The following PRTG variants were observed in gnomAD, a reference collection of about 807,000 sequenced individuals.
PRTG encodes immunoglobulin superfamily, DCC subclass, member 5.
PRTG carries 67 observed loss-of-function variants against 122.5 expected under a neutral mutation model. The ratio of observed to expected loss-of-function variants is 0.55; its 90% CI spans 0.45 to 0.67. The LOEUF (loss-of-function observed/expected upper bound fraction) is 0.67, where lower values mean the gene tolerates loss of function less well. Ranked by LOEUF, PRTG falls within the 30% of genes least tolerant of loss-of-function variation. The pLI is 0.00. For synonymous variants in PRTG, 554 were observed against 501.1 expected, an observed-to-expected ratio of 1.11 and a Z score of -1.41; for missense variants, 1,435 against 1,415.4, an observed-to-expected ratio of 1.01 and a Z score of -0.22.
At chr15:55,709,760 G>A (rs1331768618) in intron 2 of PRTG, among the ~76,000 whole-genome samples, 4 of 152,264 alleles carry the variant, frequency 2.6e-5, no homozygotes, top group South Asian at 2.1e-4. Context: ...GAGAGAATCT[G>A]TACAAACAAA....
chr15:55,728,814 T>C (rs2031131506), intron 2 of PRTG, among the ~76,000 whole-genome samples: 1 of 152,178 alleles, frequency 6.6e-6, no homozygotes, highest in Non-Finnish European at 1.5e-5. Context: ...GCTGTATCAC[T>C]CATAGATTAT....
At chr15:55,687,760 T>C (rs1448203306) in intron 2 of PRTG, among the ~76,000 whole-genome samples, 1 of 152,196 alleles carries the variant, frequency 6.6e-6, no homozygotes, top group Non-Finnish European at 1.5e-5. Context: ...TTAAAATATC[T>C]AACTTTTTGA....
Position 55,647,230 on chromosome 15 carries a change from G to C in PRTG, c.2042-6022C>G, listed in dbSNP as rs146834298. ...AGGAGGCAGCTGTTGCATGAGCCGA[G>C]ATCACGCCATTGCACTCCAGTCTGG... On this transcript the variant is annotated intron_variant, in intron 11 of 19. Coordinates refer to ENST00000389286, the MANE Select transcript of PRTG (RefSeq NM_173814.6). Among the ~76,000 whole-genome samples, 790 of 152,194 alleles carry C rather than the reference G, an allele frequency of 5.2e-3. 1 individual carries two copies. Among genetic ancestry groups the C allele is most frequent in the Non-Finnish European group, 9.1e-3 (620 of 68,018 alleles).
chr15:55,621,921 G>A (rs1314927452), intron 18 of PRTG, among the ~76,000 whole-genome samples: 2 of 152,066 alleles, frequency 1.3e-5, no homozygotes, highest in Admixed American at 6.5e-5. Flanking sequence ...CAACTTTTCT[G>A]TATGTTTGAA....
At position 55,629,375 on chromosome 15, in the gene PRTG, A is replaced by ATGTGTGTG. The variant is rs59080250; in HGVS notation, c.2624-379_2624-372dup. On this transcript the variant is annotated intron_variant, in intron 15 of 19. Transcript: ENST00000389286. ...TTTGGCTTTGTATATATATATATATATGTGTGTGTGTGTGTGTGTGTGTGT... is the reference window on the plus strand; with the variant it reads ...TTTGGCTTTGTATATATATATATATATGTGTGTGTGTGTGTGTGTGTGTGTGTGTGTGT... Among the ~76,000 whole-genome samples the ATGTGTGTG allele has an allele frequency of 9.1e-3, 433 of 47,788 alleles. 4 individuals are homozygous for ATGTGTGTG. The highest frequency in any genetic ancestry group is 0.018 in the Admixed American group (83 of 4,562). 31.4% of individuals were successfully genotyped at this position (47,788 alleles called of 152,430 possible).
At chr15:55,646,018 AT>A in intron 11 of PRTG, among the ~76,000 whole-genome samples, 1 of 151,790 alleles carries the variant, frequency 6.6e-6, no homozygotes, top group Admixed American at 6.6e-5. Flanking sequence ...ATTATTTTTT[AT>A]TTTTTTGAGA....
chr15:55,690,058 A>G (rs2059592282), intron 2 of PRTG, among the ~76,000 whole-genome samples: 1 of 152,246 alleles, frequency 6.6e-6, no homozygotes, highest in South Asian at 2.1e-4. Flanking sequence ...TATTAAAGAT[A>G]TACAGTATAA....
At chr15:55,636,898 C>T (rs928490127) in intron 15 of PRTG, among the ~76,000 whole-genome samples, 6 of 152,178 alleles carry the variant, frequency 3.9e-5, no homozygotes, top group Admixed American at 6.6e-5. Context: ...CTATCCGCCT[C>T]GGCCTCACAA....
intron 11 of PRTG, among the ~76,000 whole-genome samples, chr15:55,644,364 T>C (rs190412022): frequency 6.6e-6 from 1 of 152,186 alleles, no homozygotes; most frequent in South Asian, 2.1e-4. Flanking sequence ...GGTGGAGAGA[T>C]AATCTTTTTT....
At chr15:55,704,072 G>T (rs534425870) in intron 2 of PRTG, among the ~76,000 whole-genome samples, 1 of 152,160 alleles carries the variant, frequency 6.6e-6, no homozygotes, top group Non-Finnish European at 1.5e-5. Flanking sequence ...TGGCTCCTAT[G>T]AATTCAAGGG....
intron 2 of PRTG, among the ~76,000 whole-genome samples, chr15:55,695,233 T>G (rs866709739): frequency 2.3e-4 from 35 of 152,336 alleles, no homozygotes; most frequent in African/African-American, 7.9e-4. Flanking sequence ...ACTACTAATT[T>G]AATAAATATT....
Position 55,743,108 on chromosome 15 carries a change from G to T in PRTG, c.-177C>A. On this transcript the variant is annotated 5_prime_UTR_variant, in exon 1 of 20. Coordinates refer to ENST00000389286, the MANE Select transcript of PRTG (RefSeq NM_173814.6). ...CGGCGAGGCTGGTGCTCGGACGGCC[G>T]CTCGCGAGAAGCAAGGGGCCTGAGA... 7.8e-7 allele frequency: 1 copy of T among 1,277,644 alleles called. No individual in the cohort carries two copies. Among genetic ancestry groups the T allele is most frequent in the Non-Finnish European group, 9.8e-7 (1 of 1,016,720 alleles). 79.1% of individuals were successfully genotyped at this position (1,277,644 alleles called of 1,614,324 possible).
At chr15:55,620,345 G>A in intron 19 of PRTG, 79 bp from the exon 20 acceptor site, 4 of 1,561,692 alleles carry the variant, frequency 2.6e-6, no homozygotes, top group Admixed American at 1.9e-5. Context: ...GGTCCCCACA[G>A]ACAGGTGGGA....
At chr15:55,658,189 C>A (rs772743095) in intron 11 of PRTG, among the ~76,000 whole-genome samples, 3 of 152,188 alleles carry the variant, frequency 2.0e-5, no homozygotes, top group Non-Finnish European at 4.4e-5. Flanking sequence ...ATGAATGTAC[C>A]ATAGCTTGTT....
intron 2 of PRTG, among the ~76,000 whole-genome samples, chr15:55,727,593 C>T (rs1291411829): frequency 2.6e-5 from 4 of 152,058 alleles, no homozygotes; most frequent in East Asian, 1.9e-4. Flanking sequence ...GTGAGGAATT[C>T]GAGACCAGCC....
rs372057542 is a variant in PRTG, at chr15:55,713,793, G to T, written c.397+26589C>A. 8.6e-5 allele frequency among the ~76,000 whole-genome samples: 13 copies of T among 151,910 alleles called. No homozygotes were observed. The South Asian group carries it at 2.7e-3, about 32-fold the overall frequency. ...ATTTGTATGAGTTCTTTCATCTTTT[G>T]GTTACTAATCCTTTGTCATTTAGAT... On this transcript the variant is annotated intron_variant, in intron 2 of 19. Coordinates refer to ENST00000389286, the MANE Select transcript of PRTG (RefSeq NM_173814.6).
chr15:55,613,759 CTTTTTTTTTT>C lies in PRTG; in HGVS notation c.*6243_*6252del, dbSNP rs61634198. 1 of 120,546 alleles carries C rather than the reference CTTTTTTTTTT, an allele frequency of 8.3e-6. No individual in the cohort carries two copies. The highest frequency in any genetic ancestry group is 2.8e-4 in the South Asian group (1 of 3,554). 7.5% of individuals were successfully genotyped at this position (120,546 alleles called of 1,614,324 possible). A position where few individuals can be genotyped will look rare whatever the true frequency, so the allele number is the denominator to read the frequency against. On this transcript the variant is annotated 3_prime_UTR_variant, in exon 20 of 20. Coordinates refer to ENST00000389286, the MANE Select transcript of PRTG (RefSeq NM_173814.6). ...ACTATGACCCTGGGTGATTAAATAC[CTTTTTTTTTT>C]TTTTTTTTTTTTAAGCTGAGACAAT...
intron 11 of PRTG, among the ~76,000 whole-genome samples, chr15:55,654,108 G>C (rs535142791): frequency 1.3e-5 from 2 of 152,232 alleles, no homozygotes; most frequent in South Asian, 4.1e-4. Flanking sequence ...CATGGTTTTT[G>C]ATCTTCTACG....
At chr15:55,663,740 C>T (rs1370845616) in intron 11 of PRTG, among the ~76,000 whole-genome samples, 1 of 152,090 alleles carries the variant, frequency 6.6e-6, no homozygotes, top group Non-Finnish European at 1.5e-5. Context: ...CAGGGTTTCA[C>T]CACGTTGGCC....
Sources: allele counts gnomAD v4.1 joint callset (sites outside exome capture counted in the v4.1 genomes callset), GRCh38; gene constraint gnomAD v4.1.1; transcripts MANE v1.5; gene names NCBI Gene and HGNC (gene_info 2026-07-23, HGNC 2026-07-21).